The following PPP1R3A variants were observed in gnomAD, a reference collection of about 807,000 sequenced individuals.
PPP1R3A encodes the protein RG1.
A neutral mutation model predicts 41.7 loss-of-function variants in PPP1R3A; 29 were observed. The observed-to-expected ratio is 0.70, with a 90% CI of 0.52 to 0.95. The LOEUF (loss-of-function observed/expected upper bound fraction) is 0.95. Ranked by LOEUF, PPP1R3A falls within the 40% of genes least tolerant of loss-of-function variation. The pLI is 0.00. For missense variants in PPP1R3A, 1,352 were observed against 1,292.4 expected, an observed-to-expected ratio of 1.05 and a Z score of -0.71; for synonymous variants, 485 against 453.4, an observed-to-expected ratio of 1.07 and a Z score of -0.89.
rs763115884 is a variant in PPP1R3A, at chr7:113,880,052, ACTG to A, written c.1037_1039del (p.Pro346_Val347delinsLeu). ...CCCCTCTGCTTTATTTGGAAAATTG[ACTG>A]GATCTGTTGAAAATGTATTCCTTTC... On this transcript the variant is annotated inframe_deletion, in exon 4 of 4. Transcript: ENST00000284601. 1 of 1,610,742 alleles carries A rather than the reference ACTG, an allele frequency of 6.2e-7. No homozygotes were observed. The highest frequency in any genetic ancestry group is 8.5e-7 in the Non-Finnish European group (1 of 1,177,374).
chr7:113,890,740 C>T (rs1247535851), intron 1 of PPP1R3A, among the ~76,000 whole-genome samples: 1 of 151,996 alleles, frequency 6.6e-6, no homozygotes, highest in Non-Finnish European at 1.5e-5. Flanking sequence ...ACATTTTCAA[C>T]CTATCTAATA....
intron 1 of PPP1R3A, among the ~76,000 whole-genome samples, chr7:113,907,652 CTGAAG>C (rs796938441): frequency 4.6e-5 from 7 of 151,652 alleles, no homozygotes; most frequent in African/African-American, 1.7e-4. Flanking sequence ...TATGAATTAA[CTGAAG>C]TGTTTTACAA....
chr7:113,915,533 A>G (rs189320763), intron 1 of PPP1R3A, among the ~76,000 whole-genome samples: 80 of 149,224 alleles, frequency 5.4e-4, no homozygotes, highest in African/African-American at 1.7e-3. Flanking sequence ...TCATATATAT[A>G]TATGTATGTA....
At chr7:113,880,569 T>A (rs565809202) in intron 3 of PPP1R3A, among the ~76,000 whole-genome samples, 2 of 152,152 alleles carry the variant, frequency 1.3e-5, no homozygotes, top group Admixed American at 1.3e-4. Context: ...TGCAAACTAT[T>A]AATAGCAAAA....
chr7:113,888,517 T>A (rs1413970772), intron 1 of PPP1R3A, among the ~76,000 whole-genome samples: 1 of 152,188 alleles, frequency 6.6e-6, no homozygotes, highest in Non-Finnish European at 1.5e-5. Context: ...ATTAGAAATC[T>A]ACATTGTTGC....
chr7:113,900,113 CA>C (rs1797038986), intron 1 of PPP1R3A, among the ~76,000 whole-genome samples: 1 of 151,260 alleles, frequency 6.6e-6, no homozygotes, highest in African/African-American at 2.4e-5. Context: ...AGGTAGGAAA[CA>C]TTAATTATTT....
intron 1 of PPP1R3A, among the ~76,000 whole-genome samples, chr7:113,915,162 C>A (rs1436629843): frequency 1.3e-5 from 2 of 151,972 alleles, no homozygotes; most frequent in African/African-American, 4.8e-5. Context: ...TCTTTCTGTC[C>A]AAAGTGTACA....
chr7:113,878,989 T>C lies in PPP1R3A; in HGVS notation c.2103A>G (p.Glu701=). ...ACACTGTTTCTTGGCAGGTAAACAA[T>C]TCTTCTGTAGTAGCTTTCAAACTCC... The part of the protein sequence containing the change: ...NTRSLKATTE[E]LFTCQETVCC... The change falls in exon 4 of 4, where the codon GAA becomes GAG. Residue 701 remains glutamate, a synonymous_variant. Transcript: ENST00000284601. The C allele has an allele frequency of 6.2e-7, 1 of 1,613,456 alleles. No homozygotes were observed. The highest frequency in any genetic ancestry group is 8.5e-7 in the Non-Finnish European group (1 of 1,179,806).
chr7:113,882,268 T>G lies in PPP1R3A; in HGVS notation c.835A>C (p.Asn279His). 1.2e-5 allele frequency: 18 copies of G among 1,505,980 alleles called. No homozygotes were observed. Among genetic ancestry groups the G allele is most frequent in the Non-Finnish European group, 1.7e-5 (18 of 1,083,620 alleles). 93.3% of individuals were successfully genotyped at this position (1,505,980 alleles called of 1,614,324 possible). The change falls in exon 2 of 4, where the codon AAT becomes CAT. Residue 279 changes from asparagine to histidine, a missense_variant. Coordinates refer to ENST00000284601, the MANE Select transcript of PPP1R3A (RefSeq NM_002711.4). Reference protein sequence around the residue: ...SEENNFENPKNTDTYIPTIIC... With the variant: ...SEENNFENPKHTDTYIPTIIC... ...AATTAATGAAGAATATTACCTGTAT[T>G]CTTTGGATTCTCAAAGTTATTTTCT...
intron 1 of PPP1R3A, among the ~76,000 whole-genome samples, chr7:113,911,740 A>G (rs1313634913): frequency 6.6e-6 from 1 of 152,082 alleles, no homozygotes; most frequent in Non-Finnish European, 1.5e-5. Flanking sequence ...ATTGAACCAT[A>G]ACATGATTAA....
At chr7:113,890,318 T>G (rs1170384317) in intron 1 of PPP1R3A, among the ~76,000 whole-genome samples, 2 of 152,218 alleles carry the variant, frequency 1.3e-5, no homozygotes, top group East Asian at 3.9e-4. Flanking sequence ...CATCTCTGAG[T>G]GGGCAGTGGG....
chr7:113,913,937 G>A (rs552889635), intron 1 of PPP1R3A, among the ~76,000 whole-genome samples: 5 of 151,934 alleles, frequency 3.3e-5, no homozygotes, highest in East Asian at 1.9e-4. Context: ...CTTCACAGGC[G>A]CCTGTCTCCA....
intron 1 of PPP1R3A, among the ~76,000 whole-genome samples, chr7:113,899,004 A>T (rs1797021032): frequency 6.6e-6 from 1 of 151,834 alleles, no homozygotes; most frequent in Non-Finnish European, 1.5e-5. Flanking sequence ...CAGTCTATGG[A>T]AGGATAGAAT....
Position 113,879,208 on chromosome 7 carries a change from A to G in PPP1R3A, c.1884T>C (p.Asn628=), listed in dbSNP as rs911143253. ...CSSRTGNVLR[N]DYLFQVEEKS... is the part of the protein sequence containing the mutation. Reference sequence around the variant, plus strand: ...TTTCTTCAACTTGGAAAAGATAATCATTCCTCAAAACATTTCCAGTTCTTG... The same window carrying G: ...TTTCTTCAACTTGGAAAAGATAATCGTTCCTCAAAACATTTCCAGTTCTTG... The change falls in exon 4 of 4, where the codon AAT becomes AAC. Residue 628 remains asparagine, a synonymous_variant. Coordinates refer to ENST00000284601, the MANE Select transcript of PPP1R3A (RefSeq NM_002711.4). The G allele has an allele frequency of 1.1e-5, 18 of 1,613,524 alleles. No individual in the cohort carries two copies. The highest frequency in any genetic ancestry group is 3.3e-5 in the Admixed American group (2 of 59,872).
intron 1 of PPP1R3A, among the ~76,000 whole-genome samples, chr7:113,916,031 TTA>T (rs553541226): frequency 2.7e-3 from 404 of 152,222 alleles, no homozygotes; most frequent in Non-Finnish European, 3.9e-3. Context: ...AGGATTTCCT[TTA>T]TACACTCCAT....
chr7:113,886,199 T>C (rs1030053184), intron 1 of PPP1R3A, among the ~76,000 whole-genome samples: 1 of 152,070 alleles, frequency 6.6e-6, no homozygotes, highest in African/African-American at 2.4e-5. Context: ...GGCGGTGATA[T>C]GGTTTGGCTG....
chr7:113,896,502 G>A (rs1796978860), intron 1 of PPP1R3A, among the ~76,000 whole-genome samples: 1 of 151,808 alleles, frequency 6.6e-6, no homozygotes, highest in Admixed American at 6.6e-5. Flanking sequence ...TTTCTCCAAT[G>A]TGAAATTGGT....
intron 1 of PPP1R3A, 85 bp from the exon 2 acceptor site, chr7:113,882,405 A>G (rs989832481): frequency 3.7e-6 from 3 of 800,178 alleles, no homozygotes; most frequent in Non-Finnish European, 6.3e-6. Context: ...TTCAATCAGT[A>G]ACAAGCCAAA....
At chr7:113,893,275 T>G (rs1482808719) in intron 1 of PPP1R3A, among the ~76,000 whole-genome samples, 1 of 151,970 alleles carries the variant, frequency 6.6e-6, no homozygotes, top group Admixed American at 6.6e-5. Flanking sequence ...ATTCTTAATA[T>G]TTTTCAAAAA....
Sources: gnomAD v4.1 joint callset for allele counts (sites outside exome capture counted in the v4.1 genomes callset) on GRCh38, gnomAD v4.1.1 for gene constraint, MANE v1.5 for transcripts, NCBI Gene and HGNC (gene_info 2026-07-23, HGNC 2026-07-21) for gene names.